PAGE2B: variants seen among roughly 807,000 people sequenced by gnomAD.
PAGE2B encodes the protein PAGE family member 2B.
Under a neutral mutation model 7.6 loss-of-function variants are expected in PAGE2B, and 5 were observed. The observed-to-expected ratio is 0.66, with a 90% confidence interval of 0.34 to 1.38. The LOEUF (loss-of-function observed/expected upper bound fraction) is 1.38, where lower values mean the gene tolerates loss of function less well. PAGE2B is among the 40% of genes most tolerant of loss of function. The pLI, the probability that PAGE2B is intolerant of heterozygous loss-of-function variation, is 0.04. For missense variants in PAGE2B, 70 were observed against 78.4 expected (o/e 0.89, Z 0.41); for synonymous variants, 29 against 26.7 (o/e 1.09, Z -0.27).
chrX:55,039,446 C>T, the PAGE2B span, among the ~76,000 whole-genome samples: 2 of 108,514 alleles, frequency 1.8e-5, no homozygotes, highest in Non-Finnish European at 1.9e-5. Flanking sequence ...TATATACATA[C>T]CAAAGAATAC....
upstream of PAGE2B, among the ~76,000 whole-genome samples, chrX:55,074,594 G>A (rs1181674141): frequency 2.7e-5 from 3 of 112,159 alleles, no homozygotes; most frequent in Non-Finnish European, 5.6e-5. Context: ...GTACAATAAT[G>A]CAACCAAAAA....
At chrX:55,031,767 T>A in the PAGE2B span, among the ~76,000 whole-genome samples, 2 of 111,310 alleles carry the variant, frequency 1.8e-5, no homozygotes, top group Non-Finnish European at 3.8e-5. Context: ...TTCTATTACC[T>A]TCTCCTCCCT....
chrX:55,034,419 T>A, the PAGE2B span, among the ~76,000 whole-genome samples: 2 of 111,590 alleles, frequency 1.8e-5, no homozygotes, highest in African/African-American at 6.5e-5. Flanking sequence ...ATACGTTTTT[T>A]AAAAAACTTC....
upstream of PAGE2B, among the ~76,000 whole-genome samples, chrX:55,072,361 C>T (rs1936458355): frequency 8.9e-6 from 1 of 112,507 alleles, no homozygotes; most frequent in East Asian, 2.8e-4. Context: ...ATACCCTGTT[C>T]GCCTGGGCAT....
chrX:55,077,743 A>G (rs376448393), intron 4 of PAGE2B, among the ~76,000 whole-genome samples: 6 of 112,731 alleles, frequency 5.3e-5, no homozygotes, highest in Non-Finnish European at 7.5e-5. Context: ...GGAGGCCGAG[A>G]CAGAAAGATC....
the PAGE2B span, among the ~76,000 whole-genome samples, chrX:55,034,413 G>A: frequency 3.6e-5 from 4 of 111,109 alleles, no homozygotes; most frequent in East Asian, 2.8e-4. Context: ...TTGTTTATAC[G>A]TTTTTTAAAA....
chrX:55,070,573 A>C (rs143969406), upstream of PAGE2B, among the ~76,000 whole-genome samples: 1,924 of 111,234 alleles, frequency 0.017, 32 homozygotes, highest in East Asian at 0.057. Context: ...GCTGAGTTAA[A>C]GTCCTGGATA....
the PAGE2B span, among the ~76,000 whole-genome samples, chrX:55,045,524 G>GA: frequency 1.2e-4 from 13 of 108,833 alleles, no homozygotes; most frequent in East Asian, 8.6e-4. Flanking sequence ...CTTATCATCT[G>GA]AAAAAAAAAT....
At chrX:55,048,062 T>A in the PAGE2B span, among the ~76,000 whole-genome samples, 1 of 112,092 alleles carries the variant, frequency 8.9e-6, no homozygotes, top group Non-Finnish European at 1.9e-5. Context: ...GCACCATTTA[T>A]TAGATAGGGA....
chrX:55,065,178 T>G, the PAGE2B span, among the ~76,000 whole-genome samples: 3 of 111,410 alleles, frequency 2.7e-5, no homozygotes, highest in African/African-American at 9.8e-5. Context: ...TGTATTGTGG[T>G]CTATCTCTTT....
chrX:55,043,133 C>T, the PAGE2B span, among the ~76,000 whole-genome samples: 5 of 111,007 alleles, frequency 4.5e-5, no homozygotes, highest in East Asian at 2.8e-4. Flanking sequence ...GAATAATTGG[C>T]GAGCCACATG....
At chrX:55,042,121 G>A in the PAGE2B span, among the ~76,000 whole-genome samples, 1 of 110,822 alleles carries the variant, frequency 9.0e-6, no homozygotes, top group East Asian at 2.9e-4. Flanking sequence ...AACAGTCACT[G>A]TTTGCTGATG....
At chrX:55,056,340 TAGA>T in the PAGE2B span, among the ~76,000 whole-genome samples, 1 of 110,714 alleles carries the variant, frequency 9.0e-6, no homozygotes, top group Non-Finnish European at 1.9e-5. Flanking sequence ...TCCAGGTCAG[TAGA>T]AGAGGTAGGA....
the PAGE2B span, among the ~76,000 whole-genome samples, chrX:55,038,687 A>G: frequency 9.0e-6 from 1 of 111,650 alleles, no homozygotes; most frequent in Non-Finnish European, 1.9e-5. Context: ...AAGTTTTTGT[A>G]ATTTCATAAT....
the PAGE2B span, among the ~76,000 whole-genome samples, chrX:55,044,071 C>G: frequency 1.8e-5 from 2 of 109,435 alleles, no homozygotes; most frequent in Admixed American, 2.0e-4. Context: ...ACTATTACAA[C>G]CACTATGGAA....
At chrX:55,051,880 G>T in the PAGE2B span, among the ~76,000 whole-genome samples, 1 of 111,871 alleles carries the variant, frequency 8.9e-6, no homozygotes, top group Non-Finnish European at 1.9e-5. Flanking sequence ...AGGAGGAGAG[G>T]TGCTCTGATT....
the PAGE2B span, among the ~76,000 whole-genome samples, chrX:55,067,987 T>C: frequency 8.9e-6 from 1 of 112,441 alleles, no homozygotes; most frequent in South Asian, 3.6e-4. Context: ...TTGCAAAATT[T>C]TTCTCCCATT....
chrX:55,075,438 T>A lies in PAGE2B; in HGVS notation c.-9+324T>A, dbSNP rs190112303. ...TGAGAGAGGACAGTTTCCAGACTCC[T>A]CGGTAGGGACGCGGGAAGAGACCAT... On this transcript the variant is annotated intron_variant, in intron 1 of 4. Coordinates refer to ENST00000374971, the MANE Select transcript of PAGE2B (RefSeq NM_001015038.3). 4.2e-3 allele frequency among the ~76,000 whole-genome samples: 462 copies of A among 110,574 alleles called. 3 individuals are homozygous for A. The highest frequency in any genetic ancestry group is 0.015 in the African/African-American group (447 of 30,378).
At chrX:55,064,286 G>A in the PAGE2B span, among the ~76,000 whole-genome samples, 1 of 111,321 alleles carries the variant, frequency 9.0e-6, no homozygotes, top group Non-Finnish European at 1.9e-5. Context: ...TTGGCAGAAT[G>A]AATGTGTCTA....
Sources: allele counts gnomAD v4.1 joint callset (sites outside exome capture counted in the v4.1 genomes callset), GRCh38; gene constraint gnomAD v4.1.1; transcripts MANE v1.5; gene names NCBI Gene and HGNC (gene_info 2026-07-23, HGNC 2026-07-21).